CYP26C1: variants seen among roughly 807,000 people sequenced by gnomAD.
CYP26C1 encodes the protein cytochrome P450 family 26 subfamily C member 1, also known as cytochrome P450 26C1.
CYP26C1 carries 41 observed loss-of-function variants against 39.1 expected under a neutral mutation model. The observed-to-expected ratio is 1.05, with a 90% CI of 0.82 to 1.36. The LOEUF is 1.36. Among genes scored for constraint, CYP26C1 ranks in the 40% most tolerant of loss-of-function variants. CYP26C1 has a pLI of 0.00. For synonymous variants in CYP26C1, 362 were observed against 350.8 expected (o/e 1.03, Z -0.36); for missense variants, 833 against 752.0 (o/e 1.11, Z -1.26).
chr10:93,065,008 A>G (rs1303646421), intron 4 of CYP26C1, among the ~76,000 whole-genome samples: 2 of 152,076 alleles, frequency 1.3e-5, no homozygotes, highest in African/African-American at 4.8e-5. Flanking sequence ...GGCACCTGGT[A>G]CCTCTATCCG....
At position 93,068,788 on chromosome 10, in the gene CYP26C1, C is replaced by T; in HGVS notation, c.*91C>T. On this transcript the variant is annotated 3_prime_UTR_variant, in exon 6 of 6. Coordinates refer to ENST00000651965, the MANE Select transcript of CYP26C1 (RefSeq NM_183374.3). ...CCGCTCCCCATTGTAGCGTCGCGCGCCCACTCTTTCACTCGTTCAACAATC... is the reference window on the plus strand; with the variant it reads ...CCGCTCCCCATTGTAGCGTCGCGCGTCCACTCTTTCACTCGTTCAACAATC... 1 of 1,429,454 alleles carries T rather than the reference C, an allele frequency of 7.0e-7. No homozygotes were observed. The highest frequency in any genetic ancestry group is 9.2e-7 in the Non-Finnish European group (1 of 1,089,612). The allele number at this position is 1,429,454 out of a possible 1,614,324, so 88.5% of individuals were successfully genotyped here.
At chr10:93,064,828 C>T (rs1846803112) in intron 4 of CYP26C1, 1 of 1,098,222 alleles carries the variant, frequency 9.1e-7, no homozygotes. Context: ...TTTCCTTCCC[C>T]CACTGCCCTT....
intron 2 of CYP26C1, 61 bp from the exon 3 acceptor site, chr10:93,062,659 C>G (rs946701530): frequency 2.2e-6 from 3 of 1,345,954 alleles, no homozygotes; most frequent in Admixed American, 3.5e-5. Context: ...CTGGCTACTC[C>G]GGAATCGCCA....
rs1056979906 is a variant in CYP26C1 at position 93,061,197 on chromosome 10, C to G, written c.-67C>G. On this transcript the variant is annotated 5_prime_UTR_variant, in exon 1 of 6. Coordinates refer to ENST00000651965, the MANE Select transcript of CYP26C1 (RefSeq NM_183374.3). ...GAACAGGTGAGCACTGCGCACTGCT[C>G]GCGCCCCGGTTCTTGCGTCCCCTGC... 1.3e-6 allele frequency: 2 copies of G among 1,512,460 alleles called. No homozygotes were observed. The highest frequency in any genetic ancestry group is 1.4e-5 in the African/African-American group (1 of 72,422). 93.7% of individuals were successfully genotyped at this position (1,512,460 alleles called of 1,614,324 possible).
intron 3 of CYP26C1, chr10:93,064,119 C>T: frequency 8.2e-7 from 1 of 1,219,092 alleles, no homozygotes; most frequent in Non-Finnish European, 1.0e-6. Flanking sequence ...TGAACTTCAG[C>T]ATCCTCTCCT....
rs762476297 is a variant in CYP26C1 at position 93,061,415 on chromosome 10, A to C, written c.152A>C (p.Lys51Thr). The C allele has an allele frequency of 5.8e-6, 9 of 1,558,618 alleles. No homozygotes were observed. The highest frequency in any genetic ancestry group is 1.8e-4 in the Middle Eastern group (1 of 5,640). The change falls in exon 1 of 6, where the codon AAG (lysine) becomes ACG (threonine). Residue 51 changes from lysine (K) to threonine (T), a missense_variant. Lys to Thr is a moderately conservative substitution (Grantham distance 78). Transcript: ENST00000651965. ...CGGGCCTCCACCCTGCCTCTGCCCA[A>C]GGGCTCCATGGGGTGGCCCTTCTTC... ...RDRASTLPLP[K>T]GSMGWPFFGE...
chr10:93,069,202 CA>C lies in CYP26C1; in HGVS notation c.*506del, dbSNP rs1846866703. On this transcript the variant is annotated 3_prime_UTR_variant, in exon 6 of 6. Coordinates refer to ENST00000651965, the MANE Select transcript of CYP26C1 (RefSeq NM_183374.3). ...GCCTGGCTTTGGGCCATAGAAAAAA[CA>C]CGCAGAGGATGCCTGACGGAAGGCC... is the stretch of plus-strand genomic sequence containing the variant. 2 of 152,734 alleles carry C rather than the reference CA, an allele frequency of 1.3e-5. No homozygotes were observed. Among genetic ancestry groups the C allele is most frequent in the African/African-American group, 4.8e-5 (2 of 41,496 alleles). 9.5% of individuals were successfully genotyped at this position (152,734 alleles called of 1,614,324 possible). A position where few individuals can be genotyped will look rare whatever the true frequency, so the allele number is the denominator to read the frequency against.
Position 93,062,735 on chromosome 10 carries a change from T to G in CYP26C1, c.445T>G (p.Phe149Val), listed in dbSNP as rs570314946. The G allele has an allele frequency of 2.8e-6, 4 of 1,433,762 alleles. No homozygotes were observed. In the African/African-American group the frequency reaches 6.0e-5, roughly 22 times the overall value. 88.8% of individuals were successfully genotyped at this position (1,433,762 alleles called of 1,614,324 possible). Residue 149 changes from phenylalanine to valine, a missense_variant, in exon 3 of 6, where the codon TTC becomes GTC. Transcript: ENST00000651965. ...RRRRKVLARV[F>V]SRAALERYVP... ...GCTCCCACAGGTCCTGGCGCGCGTGTTCAGCCGCGCCGCGCTGGAGCGCTA... is the reference window on the plus strand; with the variant it reads ...GCTCCCACAGGTCCTGGCGCGCGTGGTCAGCCGCGCCGCGCTGGAGCGCTA...
chr10:93,064,798 C>T, intron 4 of CYP26C1: 8 of 1,165,604 alleles, frequency 6.9e-6, no homozygotes, highest in Non-Finnish European at 8.5e-6. Context: ...AGGTTTCTGG[C>T]CACAAATGGC....
In CYP26C1 at chr10:93,062,249, G is replaced by T. The variant is rs77705186; in HGVS notation, c.429+15G>T. ...GGCGGCGCAAGGTGAGTGGAAACGGGAATGGACCGTAGATACGTCGGATCC... is the reference window on the plus strand; with the variant it reads ...GGCGGCGCAAGGTGAGTGGAAACGGTAATGGACCGTAGATACGTCGGATCC... On this transcript the variant is annotated intron_variant, in intron 2 of 5. Transcript: ENST00000651965. The T allele has an allele frequency of 9.1e-5, 138 of 1,514,036 alleles. No homozygotes were observed. In the African/African-American group the frequency reaches 1.8e-3, roughly 19 times the overall value. The allele number at this position is 1,514,036 out of a possible 1,614,324, so 93.8% of individuals were successfully genotyped here. A position where few individuals can be genotyped will look rare whatever the true frequency, so the allele number is the denominator to read the frequency against.
At position 93,068,901 on chromosome 10, in the gene CYP26C1, T is replaced by A; in HGVS notation, c.*204T>A. 3 of 907,248 alleles carry A rather than the reference T, an allele frequency of 3.3e-6. No homozygotes were observed. The highest frequency in any genetic ancestry group is 4.6e-6 in the Non-Finnish European group (3 of 647,924). The allele number at this position is 907,248 out of a possible 1,614,324, so 56.2% of individuals were successfully genotyped here. On this transcript the variant is annotated 3_prime_UTR_variant, in exon 6 of 6. Transcript: ENST00000651965. ...ACCGCTGCCGCGCCAGAGAAGCATC[T>A]AAGCCCATGGGAAGATGCCTTCTGC...
At position 93,062,899 on chromosome 10, in the gene CYP26C1, C is replaced by T. The variant is rs199519449; in HGVS notation, c.609C>T (p.Asp203=). 3.1e-6 allele frequency: 5 copies of T among 1,605,006 alleles called. No homozygotes were observed. The Admixed American group carries it at 8.4e-5, about 27-fold the overall frequency. ...AARILLGLRL[D]EAQCATLART... ...GCATCCTGCTGGGGTTGCGGCTGGA[C>T]GAGGCGCAGTGCGCCACGCTGGCCC... Residue 203 remains aspartate (D), a synonymous_variant, in exon 3 of 6, where the codon GAC becomes GAT. Coordinates refer to ENST00000651965, the MANE Select transcript of CYP26C1 (RefSeq NM_183374.3).
At chr10:93,063,399 G>A (rs1393350013) in intron 3 of CYP26C1, 13 of 1,004,738 alleles carry the variant, frequency 1.3e-5, no homozygotes, top group Admixed American at 6.0e-5. Flanking sequence ...CGAGGAGAGC[G>A]TGAGGGCTGC....
chr10:93,068,775 G>T lies in CYP26C1; in HGVS notation c.*78G>T. 1 of 1,446,416 alleles carries T rather than the reference G, an allele frequency of 6.9e-7. No individual in the cohort carries two copies. Among genetic ancestry groups the T allele is most frequent in the Non-Finnish European group, 9.1e-7 (1 of 1,100,376 alleles). 89.6% of individuals were successfully genotyped at this position (1,446,416 alleles called of 1,614,324 possible). A position where few individuals can be genotyped will look rare whatever the true frequency, so the allele number is the denominator to read the frequency against. On this transcript the variant is annotated 3_prime_UTR_variant, in exon 6 of 6. Coordinates refer to ENST00000651965, the MANE Select transcript of CYP26C1 (RefSeq NM_183374.3). ...CGCCACCCATCTGCCGCTCCCCATT[G>T]TAGCGTCGCGCGCCCACTCTTTCAC...
intron 3 of CYP26C1, 161 bp from the exon 4 acceptor site, chr10:93,064,220 A>T: frequency 7.0e-7 from 1 of 1,426,992 alleles, no homozygotes; most frequent in Non-Finnish European, 9.2e-7. Flanking sequence ...ATCCCCGACC[A>T]TTTACTGAGC....
Position 93,062,009 on chromosome 10 carries a change from G to A in CYP26C1, c.205-1G>A, listed in dbSNP as rs1047866149. The stretch of plus-strand genomic sequence containing the variant: ...CTCTCCACCCTCCGCCTCGCCCGCA[G>A]GGCTCGCGCTTCCACAGTTCTCGCC... On this transcript the variant is annotated splice_acceptor_variant, in intron 1 of 5. Coordinates refer to ENST00000651965, the MANE Select transcript of CYP26C1 (RefSeq NM_183374.3). LOFTEE classifies it high-confidence loss of function. 3 of 1,558,010 alleles carry A rather than the reference G, an allele frequency of 1.9e-6. No homozygotes were observed. The highest frequency in any genetic ancestry group is 2.6e-6 in the Non-Finnish European group (3 of 1,150,876).
chr10:93,063,125 G>A, intron 3 of CYP26C1, 130 bp downstream of exon 3: 2 of 1,422,418 alleles, frequency 1.4e-6, no homozygotes, highest in East Asian at 2.7e-5. Flanking sequence ...GGCAGGGCCC[G>A]GGGGTGGGAG....
chr10:93,063,285 G>A (rs1846776125), intron 3 of CYP26C1: 1 of 1,180,826 alleles, frequency 8.5e-7, no homozygotes, highest in Non-Finnish European at 1.0e-6. Context: ...AGAGTTTGGG[G>A]TCTCGGTGGC....
intron 3 of CYP26C1, 112 bp from the exon 4 acceptor site, chr10:93,064,269 G>A: frequency 6.9e-7 from 1 of 1,456,852 alleles, no homozygotes; most frequent in East Asian, 2.5e-5. Context: ...CTGGGAAGCT[G>A]TTAACACAAG....
Sources: gnomAD v4.1 joint callset for allele counts (sites outside exome capture counted in the v4.1 genomes callset) on GRCh38, gnomAD v4.1.1 for gene constraint, MANE v1.5 for transcripts, NCBI Gene and HGNC (gene_info 2026-07-23, HGNC 2026-07-21) for gene names.